The following FAM81A variants were observed in gnomAD, a reference collection of about 807,000 sequenced individuals.
FAM81A encodes family with sequence similarity 81 member A, also known as protein FAM81A.
Under a neutral mutation model 46.7 loss-of-function variants are expected in FAM81A, and 19 were observed. The ratio of observed to expected loss-of-function variants is 0.41; its 90% CI spans 0.28 to 0.60. FAM81A has a LOEUF of 0.60. Among genes scored for constraint, FAM81A ranks in the 20% least tolerant of loss-of-function variants. FAM81A has a pLI of 0.34. For synonymous variants in FAM81A, 183 were observed against 152.9 expected, an observed-to-expected ratio of 1.20 and a Z score of -1.45; for missense variants, 377 against 453.5, an observed-to-expected ratio of 0.83 and a Z score of 1.53.
At chr15:59,449,658 T>C (rs1240017551) in intron 1 of FAM81A, among the ~76,000 whole-genome samples, 1 of 151,710 alleles carries the variant, frequency 6.6e-6, no homozygotes, top group Non-Finnish European at 1.5e-5. Flanking sequence ...GGCGGGCGCC[T>C]GTAGTCCCAG....
chr15:59,499,296 C>T (rs1462090531), intron 4 of FAM81A, among the ~76,000 whole-genome samples: 1 of 152,108 alleles, frequency 6.6e-6, no homozygotes. Flanking sequence ...TTCCTTACCC[C>T]CAATACAGCT....
chr15:59,400,418 T>C lies in FAM81A; in HGVS notation c.-160-1858T>C, dbSNP rs182536684. 2.1e-4 allele frequency among the ~76,000 whole-genome samples: 32 copies of C among 152,288 alleles called. No homozygotes were observed. The South Asian group carries it at 3.3e-3, about 16-fold the overall frequency. ...AGCTACTATCATCCTCTCCCGATCA[T>C]AGCAGTGGTTGCAAGTCTGGTTGCC... On this transcript the variant is annotated intron_variant, in intron 1 of 4. Coordinates refer to the FAM81A transcript ENST00000558348.
chr15:59,413,057 G>A (rs770056692), intron 2 of FAM81A, among the ~76,000 whole-genome samples: 7 of 152,244 alleles, frequency 4.6e-5, no homozygotes, highest in Admixed American at 6.5e-5. Flanking sequence ...TGTTATACGT[G>A]CAGCTCCCTT....
intron 4 of FAM81A, 132 bp downstream of exon 4, chr15:59,492,521 T>G: frequency 1.4e-6 from 1 of 703,384 alleles, no homozygotes; most frequent in Non-Finnish European, 2.3e-6. Context: ...CTCCCTGCTT[T>G]GGCCATAAAA....
intron 2 of FAM81A, among the ~76,000 whole-genome samples, chr15:59,428,760 A>G (rs1321244673): frequency 6.7e-6 from 1 of 150,356 alleles, no homozygotes; most frequent in East Asian, 2.0e-4. Flanking sequence ...CCTCCCAAGT[A>G]GCTGGAATTA....
chr15:59,412,991 A>G (rs145806947), intron 2 of FAM81A, among the ~76,000 whole-genome samples: 20 of 152,326 alleles, frequency 1.3e-4, no homozygotes, highest in African/African-American at 4.8e-4. Flanking sequence ...TGTTGTAAAC[A>G]TGCTACCTTA....
intron 1 of FAM81A, chr15:59,444,290 A>G (rs748216375): frequency 4.6e-5 from 7 of 152,226 alleles, no homozygotes; most frequent in Non-Finnish European, 1.0e-4. Flanking sequence ...TGTGAGACCC[A>G]TGCCTTACCC....
chr15:59,476,176 G>A (rs776821565), intron 3 of FAM81A, among the ~76,000 whole-genome samples: 3 of 151,774 alleles, frequency 2.0e-5, no homozygotes, highest in Non-Finnish European at 4.4e-5. Context: ...CCTCTTATAG[G>A]CCCCACCTCC....
At chr15:59,482,448 T>A (rs1357512798) in intron 3 of FAM81A, among the ~76,000 whole-genome samples, 1 of 152,164 alleles carries the variant, frequency 6.6e-6, no homozygotes, top group Non-Finnish European at 1.5e-5. Context: ...TTTGTATTTT[T>A]AGTAGAGACG....
At chr15:59,510,825 A>G (rs1555434538) in intron 6 of FAM81A, among the ~76,000 whole-genome samples, 1 of 150,532 alleles carries the variant, frequency 6.6e-6, no homozygotes, top group Non-Finnish European at 1.5e-5. Flanking sequence ...AAGTGTACTA[A>G]TAAAACTACA....
At chr15:59,413,876 A>G (rs2081133705) in intron 2 of FAM81A, among the ~76,000 whole-genome samples, 1 of 152,180 alleles carries the variant, frequency 6.6e-6, no homozygotes, top group Admixed American at 6.5e-5. Context: ...CATCCTTGAG[A>G]AGGGAGAGAT....
intron 3 of FAM81A, among the ~76,000 whole-genome samples, chr15:59,463,809 G>GT (rs1168216721): frequency 2.0e-3 from 308 of 151,718 alleles, no homozygotes; most frequent in South Asian, 4.8e-3. Context: ...AATTTTGTCA[G>GT]TTTTTTTTGT....
intron 1 of FAM81A, among the ~76,000 whole-genome samples, chr15:59,454,308 A>C (rs2081455949): frequency 6.6e-6 from 1 of 152,060 alleles, no homozygotes; most frequent in Non-Finnish European, 1.5e-5. Flanking sequence ...TTGGTATTCA[A>C]CTCTTTAGTA....
chr15:59,520,664 A>G (rs1423086468), intron 8 of FAM81A, among the ~76,000 whole-genome samples: 1 of 151,550 alleles, frequency 6.6e-6, no homozygotes, highest in Non-Finnish European at 1.5e-5. Context: ...CCTGGGTTCA[A>G]GCAATTCTCC....
rs186155648 is a variant in FAM81A at position 59,464,025 on chromosome 15, A to T, written c.294+3819A>T. 3.9e-5 allele frequency among the ~76,000 whole-genome samples: 6 copies of T among 152,116 alleles called. No homozygotes were observed. The East Asian group carries it at 9.7e-4, about 25-fold the overall frequency. ...CTATTCTAATTTTTACTTCTTTGAG[A>T]TCAACTTTTTTTAGCTTTCACATAT... On this transcript the variant is annotated intron_variant, in intron 3 of 8. Coordinates refer to ENST00000288228, the MANE Select transcript of FAM81A (RefSeq NM_152450.3).
At chr15:59,453,319 G>A (rs2081441662) in intron 1 of FAM81A, among the ~76,000 whole-genome samples, 1 of 152,184 alleles carries the variant, frequency 6.6e-6, no homozygotes, top group Admixed American at 6.5e-5. Flanking sequence ...CTAAGTCTCT[G>A]TTTCCTCTGG....
intron 4 of FAM81A, among the ~76,000 whole-genome samples, chr15:59,495,539 T>C (rs2082024176): frequency 6.6e-6 from 1 of 152,222 alleles, no homozygotes; most frequent in Admixed American, 6.5e-5. Flanking sequence ...GTACCTAGAA[T>C]GAAAAAGCTG....
At chr15:59,412,206 G>T (rs1040250115) in intron 2 of FAM81A, among the ~76,000 whole-genome samples, 1 of 152,148 alleles carries the variant, frequency 6.6e-6, no homozygotes, top group Non-Finnish European at 1.5e-5. Context: ...GTGGACTGGG[G>T]GCTGGGACTC....
At chr15:59,416,749 G>A (rs1170276266) in intron 2 of FAM81A, among the ~76,000 whole-genome samples, 1 of 152,110 alleles carries the variant, frequency 6.6e-6, no homozygotes, top group African/African-American at 2.4e-5. Context: ...TCTGCATAAT[G>A]ACCCTATGAA....
Sources: gnomAD v4.1 joint callset for allele counts (sites outside exome capture counted in the v4.1 genomes callset) on GRCh38, gnomAD v4.1.1 for gene constraint, MANE v1.5 for transcripts, NCBI Gene and HGNC (gene_info 2026-07-23, HGNC 2026-07-21) for gene names.